CDH5: variants seen among roughly 807,000 people sequenced by gnomAD.
CDH5 encodes the protein cadherin 5.
A neutral mutation model predicts 62.0 loss-of-function variants in CDH5; 28 were observed. The observed-to-expected ratio is 0.45, with a 90% confidence interval of 0.33 to 0.62. The LOEUF is 0.62. Ranked by LOEUF, CDH5 falls within the 20% of genes least tolerant of loss-of-function variation. The probability of loss-of-function intolerance (pLI) is 0.02; values close to 1 mark genes in which losing one functional copy is unlikely to be tolerated. For synonymous variants in CDH5, 464 were observed against 445.8 expected, an observed-to-expected ratio of 1.04 and a Z score of -0.52; for missense variants, 940 against 1,065.1, an observed-to-expected ratio of 0.88 and a Z score of 1.63.
chr16:66,371,659 G>A (rs1291690896), intron 1 of CDH5, among the ~76,000 whole-genome samples: 2 of 152,126 alleles, frequency 1.3e-5, no homozygotes, highest in East Asian at 3.9e-4. Context: ...CCACCCCTGA[G>A]GCCCTCCAGC....
At chr16:66,384,078 C>CTTTTTTTTT (rs35435487) in intron 2 of CDH5, among the ~76,000 whole-genome samples, 24 of 71,362 alleles carry the variant, frequency 3.4e-4, no homozygotes, top group African/African-American at 7.1e-4. Context: ...GGAGTCCAGC[C>CTTTTTTTTT]TTTTTTTTTT....
At chr16:66,369,138 G>A (rs1316151008) in intron 1 of CDH5, among the ~76,000 whole-genome samples, 2 of 152,136 alleles carry the variant, frequency 1.3e-5, no homozygotes, top group African/African-American at 4.8e-5. Context: ...TGTCTGCCTT[G>A]GACCATAGCA....
chr16:66,385,908 G>A (rs140418268), intron 2 of CDH5, among the ~76,000 whole-genome samples: 1 of 152,330 alleles, frequency 6.6e-6, no homozygotes, highest in East Asian at 1.9e-4. Flanking sequence ...TGAAAGCCAA[G>A]CTGATACAAT....
intron 4 of CDH5, among the ~76,000 whole-genome samples, chr16:66,389,032 G>A (rs1452874151): frequency 2.0e-5 from 3 of 152,202 alleles, no homozygotes; most frequent in Non-Finnish European, 4.4e-5. Flanking sequence ...TAGCACAGAT[G>A]CCACTACTAT....
rs763517407 is a variant in CDH5, at chr16:66,402,843, G to A, written c.2029G>A (p.Ala677Thr). 3 of 1,600,686 alleles carry A rather than the reference G, an allele frequency of 1.9e-6. No individual in the cohort carries two copies. The highest frequency in any genetic ancestry group is 2.6e-6 in the Non-Finnish European group (3 of 1,174,568). Residue 677 changes from alanine to threonine, a missense_variant, in exon 12 of 12, where the codon GCG becomes ACG. Ala to Thr is a moderately conservative substitution (Grantham distance 58, BLOSUM62 0). Transcript: ENST00000341529. Reference sequence around the variant, plus strand: ...CGGCGGGGCCAAGCCCCCGCGGCCCGCGCTGGACGCCCGGCCTTCCCTCTA... The same window carrying A: ...CGGCGGGGCCAAGCCCCCGCGGCCCACGCTGGACGCCCGGCCTTCCCTCTA... ...RRGGAKPPRP[A>T]LDARPSLYAQ... is the part of the protein sequence containing the mutation.
chr16:66,395,385 C>T (rs201177728), intron 7 of CDH5: 2 of 150,878 alleles, frequency 1.3e-5, no homozygotes, highest in Non-Finnish European at 3.0e-5. Context: ...CCTTGAAATT[C>T]GTAAGTGTCG....
Position 66,388,430 on chromosome 16 carries a change from C to A in CDH5, c.606C>A (p.Ile202=). Residue 202 remains isoleucine (I), a synonymous_variant, in exon 4 of 12, where the codon ATC becomes ATA. Transcript: ENST00000341529. ...TGAAGGGGAAAGAGTATTTTGCCAT[C>A]GATAATTCTGGTCTGTGTGACTAAC... The part of the protein sequence containing the change: ...QILKGKEYFA[I]DNSGRIITIT... 6.2e-7 allele frequency: 1 copy of A among 1,603,798 alleles called. No homozygotes were observed. Among genetic ancestry groups the A allele is most frequent in the Non-Finnish European group, 8.5e-7 (1 of 1,170,632 alleles).
chr16:66,386,344 G>A (rs936597765), intron 2 of CDH5, among the ~76,000 whole-genome samples: 7 of 151,356 alleles, frequency 4.6e-5, no homozygotes, highest in South Asian at 2.1e-4. Flanking sequence ...TTGCATATTC[G>A]TGGGGATTGG....
intron 1 of CDH5, chr16:66,376,440 C>CA (rs1230904179): frequency 6.6e-6 from 1 of 152,168 alleles, no homozygotes; most frequent in African/African-American, 2.4e-5. Flanking sequence ...AAGAGAAAAC[C>CA]ACATTCCCGC....
chr16:66,384,687 TG>T (rs1325550137), intron 2 of CDH5, among the ~76,000 whole-genome samples: 1 of 125,308 alleles, frequency 8.0e-6, no homozygotes, highest in African/African-American at 3.0e-5. Context: ...AAAAAGAGGC[TG>T]GGCGTGGTGG....
At chr16:66,394,319 T>A (rs1360004486) in intron 7 of CDH5, among the ~76,000 whole-genome samples, 1 of 152,200 alleles carries the variant, frequency 6.6e-6, no homozygotes, top group African/African-American at 2.4e-5. Flanking sequence ...CTAATGCAAA[T>A]TTTACAACCT....
intron 2 of CDH5, among the ~76,000 whole-genome samples, chr16:66,384,349 C>T (rs1306485011): frequency 2.6e-5 from 4 of 151,702 alleles, no homozygotes; most frequent in African/African-American, 9.7e-5. Flanking sequence ...CCACCTTGGA[C>T]TCCCAAAGTG....
rs1333791467 is a variant in CDH5 at position 66,403,003 on chromosome 16, T to C, written c.2189T>C (p.Ile730Thr). Residue 730 changes from isoleucine (I) to threonine (T), a missense_variant, in exon 12 of 12, where the codon ATC (isoleucine) becomes ACC (threonine). Coordinates refer to ENST00000341529, the MANE Select transcript of CDH5 (RefSeq NM_001795.5). This position sits in a 1 kb window ranked among gnomAD's most constrained non-coding sequence, Gnocchi z 4.3. ...GGCCCCCCCTACGACACGCTGCACA[T>C]CTACGGCTACGAGGGCTCCGAGTCC... ...GDGPPYDTLH[I>T]YGYEGSESIA... 5.6e-6 allele frequency: 9 copies of C among 1,613,410 alleles called. No individual in the cohort carries two copies. In the Admixed American group the frequency reaches 1.0e-4, roughly 18 times the overall value.
chr16:66,376,357 C>T (rs1181637734), intron 1 of CDH5: 3 of 152,164 alleles, frequency 2.0e-5, no homozygotes, highest in African/African-American at 4.8e-5. Flanking sequence ...CAGCACATGA[C>T]TCTATTTATC....
Position 66,381,872 on chromosome 16 carries a change from C to T in CDH5, c.210+2325C>T, listed in dbSNP as rs552166733. 5.9e-5 allele frequency among the ~76,000 whole-genome samples: 9 copies of T among 152,350 alleles called. No individual in the cohort carries two copies. In the East Asian group the frequency reaches 1.5e-3, roughly 26 times the overall value. ...AAAGTTGAGTGGTGGTGACAAAGAC[C>T]AAATGACCATAAGGCTACAAATATT... is the stretch of plus-strand genomic sequence containing the variant. On this transcript the variant is annotated intron_variant, in intron 2 of 11. Transcript: ENST00000341529.
chr16:66,371,621 T>G (rs944191828), intron 1 of CDH5, among the ~76,000 whole-genome samples: 21 of 152,160 alleles, frequency 1.4e-4, no homozygotes, highest in Non-Finnish European at 1.2e-4. Flanking sequence ...GTCATGTGTG[T>G]GTCCTGGACC....
At chr16:66,389,322 C>T (rs1458132974) in intron 4 of CDH5, 36 bp from the exon 5 acceptor site, 2 of 1,586,204 alleles carry the variant, frequency 1.3e-6, no homozygotes, top group Non-Finnish European at 1.7e-6. Flanking sequence ...TTTCTAGAAG[C>T]TGGTAACATG....
At chr16:66,397,138 A>T (rs1961199484) in intron 8 of CDH5, among the ~76,000 whole-genome samples, 1 of 152,214 alleles carries the variant, frequency 6.6e-6, no homozygotes, top group Non-Finnish European at 1.5e-5. Context: ...ATGAGATTGT[A>T]ATGTTTGTGT....
Position 66,403,158 on chromosome 16 carries a change from C to CTGCTGTATT in CDH5, c.2345_2353dup (p.Leu782_Tyr784dup), listed in dbSNP as rs748913568. The CTGCTGTATT allele has an allele frequency of 6.2e-7, 1 of 1,611,292 alleles. No homozygotes were observed. The highest frequency in any genetic ancestry group is 1.7e-4 in the Middle Eastern group (1 of 6,050). ...GTACGGCTCGGACCCCCGGGAGGAG[C>CTGCTGTATT]TGCTGTATTAGGCGGCCGAGGTCAC... On this transcript the variant is annotated inframe_insertion, in exon 12 of 12. Coordinates refer to ENST00000341529, the MANE Select transcript of CDH5 (RefSeq NM_001795.5). This position sits in a 1 kb window ranked among gnomAD's most constrained non-coding sequence, Gnocchi z 4.3.
Sources: gnomAD v4.1 joint callset for allele counts (sites outside exome capture counted in the v4.1 genomes callset) on GRCh38, gnomAD v4.1.1 for gene constraint, Gnocchi (gnomAD v3.1) non-coding constraint, MANE v1.5 for transcripts, NCBI Gene and HGNC (gene_info 2026-07-23, HGNC 2026-07-21) for gene names.